Variants in TMEM43 observed in about 807,000 individuals in gnomAD.
TMEM43 encodes the protein transmembrane protein 43, also known as arrhythmogenic right ventricular dysplasia 5.
TMEM43 carries 45 observed loss-of-function variants against 49.6 expected under a neutral mutation model. The observed-to-expected ratio is 0.91, with a 90% CI of 0.71 to 1.16. The LOEUF (loss-of-function observed/expected upper bound fraction) is 1.16, where lower values mean the gene tolerates loss of function less well. Among genes scored for constraint, TMEM43 ranks in the 50% most tolerant of loss-of-function variants. The pLI is 0.00. For synonymous variants in TMEM43, 199 were observed against 207.8 expected (o/e 0.96, Z 0.36); for missense variants, 532 against 516.6 (o/e 1.03, Z -0.29).
At chr3:14,128,950 G>C (rs1376753900) in intron 1 of TMEM43, 1 of 456,382 alleles carries the variant, frequency 2.2e-6, no homozygotes, top group Non-Finnish European at 4.4e-6. Flanking sequence ...GCCATGAAAA[G>C]GAACAAATTC....
chr3:14,139,692 C>T (rs1291480226), intron 11 of TMEM43, among the ~76,000 whole-genome samples: 1 of 152,230 alleles, frequency 6.6e-6, no homozygotes, highest in Non-Finnish European at 1.5e-5. Context: ...CCCATCTCAG[C>T]TTCAGTCACC....
At position 14,142,577 on chromosome 3, in the gene TMEM43, C is replaced by T. The variant is rs1025891524; in HGVS notation, c.*782C>T. 1 of 152,582 alleles carries T rather than the reference C, an allele frequency of 6.6e-6. No homozygotes were observed. Among genetic ancestry groups the T allele is most frequent in the African/African-American group, 2.4e-5 (1 of 41,442 alleles). The allele number at this position is 152,582 out of a possible 1,614,324, so 9.5% of individuals were successfully genotyped here. On this transcript the variant is annotated 3_prime_UTR_variant, in exon 12 of 12. Coordinates refer to ENST00000306077, the MANE Select transcript of TMEM43 (RefSeq NM_024334.3). ...ATTTAAAAACAAAACAAAAAAAACA[C>T]TTAATATTTCAGACTGTTACAGGAA...
At chr3:14,129,234 G>C (rs531408808) in intron 1 of TMEM43, 178 bp from the exon 2 acceptor site, 11 of 546,658 alleles carry the variant, frequency 2.0e-5, no homozygotes, top group African/African-American at 1.6e-4. Context: ...TGGTCAGATG[G>C]AATATACGTT....
At chr3:14,130,372 AAGCCTGT>A (rs1695077212) in intron 2 of TMEM43, among the ~76,000 whole-genome samples, 1 of 152,140 alleles carries the variant, frequency 6.6e-6, no homozygotes, top group African/African-American at 2.4e-5. Context: ...ATGGAGGCTC[AAGCCTGT>A]AACCCCAGCA....
At chr3:14,127,294 T>C (rs1695033926) in intron 1 of TMEM43, among the ~76,000 whole-genome samples, 1 of 152,106 alleles carries the variant, frequency 6.6e-6, no homozygotes, top group African/African-American at 2.4e-5. Context: ...ACCTCACCCC[T>C]CCCCTAGCCT....
At position 14,143,482 on chromosome 3, in the gene TMEM43, T is replaced by C. The variant is rs1695282134; in HGVS notation, c.*1687T>C. The C allele has an allele frequency of 6.6e-6, 1 of 152,250 alleles. No individual in the cohort carries two copies. Among genetic ancestry groups the C allele is most frequent in the Non-Finnish European group, 1.5e-5 (1 of 68,042 alleles). 9.4% of individuals were successfully genotyped at this position (152,250 alleles called of 1,614,324 possible). A position where few individuals can be genotyped will look rare whatever the true frequency, so the allele number is the denominator to read the frequency against. Reference sequence around the variant, plus strand: ...TAAAGGATGCTTTCGGAAAACACGCTGTATACCTAGATGATGACTAAATGC... The same window carrying C: ...TAAAGGATGCTTTCGGAAAACACGCCGTATACCTAGATGATGACTAAATGC... On this transcript the variant is annotated 3_prime_UTR_variant, in exon 12 of 12. Coordinates refer to ENST00000306077, the MANE Select transcript of TMEM43 (RefSeq NM_024334.3).
chr3:14,125,919 C>G (rs1695014045), intron 1 of TMEM43, among the ~76,000 whole-genome samples: 1 of 152,206 alleles, frequency 6.6e-6, no homozygotes, highest in East Asian at 1.9e-4. Context: ...CAAGCAGCGC[C>G]TCCTACCAGG....
intron 1 of TMEM43, among the ~76,000 whole-genome samples, chr3:14,128,423 A>G (rs2124984551): frequency 6.6e-6 from 1 of 152,224 alleles, no homozygotes; most frequent in Middle Eastern, 3.4e-3. Context: ...CACTGCTGAT[A>G]CGGTTCTCCC....
rs1230270948 is a variant in TMEM43 at position 14,133,722 on chromosome 3, C to T, written c.513-17C>T. 2 of 1,613,780 alleles carry T rather than the reference C, an allele frequency of 1.2e-6. No individual in the cohort carries two copies. The highest frequency in any genetic ancestry group is 1.7e-5 in the Admixed American group (1 of 60,030). ...CCACACCGGTGCCCATCTCTGACAG[C>T]TTCCTCTCTCCCACAGTGCCATGGC... is the stretch of plus-strand genomic sequence containing the variant. On this transcript the variant is annotated splice_polypyrimidine_tract_variant and intron_variant, in intron 6 of 11. Transcript: ENST00000306077.
intron 6 of TMEM43, among the ~76,000 whole-genome samples, chr3:14,133,394 G>C (rs1439513424): frequency 6.6e-6 from 1 of 152,200 alleles, no homozygotes; most frequent in Non-Finnish European, 1.5e-5. Flanking sequence ...TCTGGGCTGT[G>C]CCAGTAAGAT....
rs964456126 is a variant in TMEM43 at position 14,142,857 on chromosome 3, C to T, written c.*1062C>T. 8 of 152,374 alleles carry T rather than the reference C, an allele frequency of 5.3e-5. No homozygotes were observed. Among genetic ancestry groups the T allele is most frequent in the African/African-American group, 1.4e-4 (6 of 41,436 alleles). The allele number at this position is 152,374 out of a possible 1,614,324, so 9.4% of individuals were successfully genotyped here. ...AAGATGGTTTAAAAGATTAAAGAAACGATTAAGAGAAAAGGTTGGAAGCTT... is the reference window on the plus strand; with the variant it reads ...AAGATGGTTTAAAAGATTAAAGAAATGATTAAGAGAAAAGGTTGGAAGCTT... On this transcript the variant is annotated 3_prime_UTR_variant, in exon 12 of 12. Coordinates refer to ENST00000306077, the MANE Select transcript of TMEM43 (RefSeq NM_024334.3).
intron 3 of TMEM43, 58 bp downstream of exon 3, chr3:14,131,014 T>C: frequency 1.3e-6 from 2 of 1,573,606 alleles, no homozygotes; most frequent in African/African-American, 1.3e-5. Flanking sequence ...CTGGATGTTG[T>C]CTGGCTGAGG....
chr3:14,128,562 C>T (rs1016586693), intron 1 of TMEM43, among the ~76,000 whole-genome samples: 6 of 152,204 alleles, frequency 3.9e-5, no homozygotes, highest in South Asian at 2.1e-4. Flanking sequence ...CTCTGTGTGA[C>T]CTTCTAGTAT....
At position 14,140,867 on chromosome 3, in the gene TMEM43, TG is replaced by T. The variant is rs138625931; in HGVS notation, c.1001-722del. Reference sequence around the variant, plus strand: ...CTTGCAGGGTGTGCTGCAGGCATGGTGGGGCACCAGGGCTTGCTCTGCAAAC... The same window carrying T: ...CTTGCAGGGTGTGCTGCAGGCATGGTGGGCACCAGGGCTTGCTCTGCAAAC... On this transcript the variant is annotated intron_variant, in intron 11 of 11. Coordinates refer to ENST00000306077, the MANE Select transcript of TMEM43 (RefSeq NM_024334.3). Among the ~76,000 whole-genome samples the T allele has an allele frequency of 9.6e-3, 1,460 of 152,186 alleles. 26 individuals are homozygous for T. Among genetic ancestry groups the T allele is most frequent in the African/African-American group, 0.033 (1,369 of 41,516 alleles).
chr3:14,134,618 G>A (rs753746286), intron 7 of TMEM43, 152 bp from the exon 8 acceptor site: 14 of 1,039,006 alleles, frequency 1.3e-5, no homozygotes, highest in East Asian at 2.5e-5. Flanking sequence ...AGGGGAAGCC[G>A]TGGACGAGAC....
chr3:14,126,702 C>T (rs1457272184), intron 1 of TMEM43, among the ~76,000 whole-genome samples: 1 of 152,184 alleles, frequency 6.6e-6, no homozygotes, highest in Non-Finnish European at 1.5e-5. Context: ...ATCTTGGGTA[C>T]ATTGAGACCT....
chr3:14,125,316 A>G lies in TMEM43; in HGVS notation c.12+111A>G, dbSNP rs1057037939. The G allele has an allele frequency of 1.1e-4, 141 of 1,338,186 alleles. 1 individual carries two copies. The highest frequency in any genetic ancestry group is 7.3e-4 in the Middle Eastern group (3 of 4,102). 82.9% of individuals were successfully genotyped at this position (1,338,186 alleles called of 1,614,324 possible). A position where few individuals can be genotyped will look rare whatever the true frequency, so the allele number is the denominator to read the frequency against. On this transcript the variant is annotated intron_variant, in intron 1 of 11. Coordinates refer to ENST00000306077, the MANE Select transcript of TMEM43 (RefSeq NM_024334.3). ...CCGCCTGGAGCTCCTCCGTGCGGCTAGGCCCGCATCTCCCTCTGCTCGCCG... is the reference window on the plus strand; with the variant it reads ...CCGCCTGGAGCTCCTCCGTGCGGCTGGGCCCGCATCTCCCTCTGCTCGCCG...
rs1189079995 is a variant in TMEM43 at position 14,130,328 on chromosome 3, C to A, written c.163-494C>A. Among the ~76,000 whole-genome samples, 12 of 152,056 alleles carry A rather than the reference C, an allele frequency of 7.9e-5. No individual in the cohort carries two copies. The East Asian group carries it at 1.4e-3, about 17-fold the overall frequency. On this transcript the variant is annotated intron_variant, in intron 2 of 11. Transcript: ENST00000306077. ...AGGGTTCAGATAGACTCAGGTAAACCACATGGGCTGAGTAGGAGAGAGGAG... is the reference window on the plus strand; with the variant it reads ...AGGGTTCAGATAGACTCAGGTAAACAACATGGGCTGAGTAGGAGAGAGGAG...
At chr3:14,135,261 A>G (rs1559361969) in intron 9 of TMEM43, 29 bp downstream of exon 9, 1 of 1,589,958 alleles carries the variant, frequency 6.3e-7, no homozygotes, top group East Asian at 2.2e-5. Flanking sequence ...GGCAGACACT[A>G]AGTCAGAGCC....
Sources: gnomAD v4.1 joint callset for allele counts (sites outside exome capture counted in the v4.1 genomes callset) on GRCh38, gnomAD v4.1.1 for gene constraint, MANE v1.5 for transcripts, NCBI Gene and HGNC (gene_info 2026-07-23, HGNC 2026-07-21) for gene names.